Variants in AKAP19 observed in about 807,000 individuals in gnomAD.
AKAP19 encodes small A-kinase anchoring protein.
the AKAP19 span, chr2:190,202,070 G>A: frequency 6.0e-6 from 1 of 167,004 alleles, no homozygotes; most frequent in Admixed American, 6.6e-5. Flanking sequence ...GGACAGACAA[G>A]TGAGTTTTGG....
At chr2:190,145,430 A>G in the AKAP19 span, among the ~76,000 whole-genome samples, 1 of 152,198 alleles carries the variant, frequency 6.6e-6, no homozygotes, top group African/African-American at 2.4e-5. Flanking sequence ...ATTGCAGTTG[A>G]TTTTACAACT....
At chr2:189,937,865 C>T in the AKAP19 span, among the ~76,000 whole-genome samples, 3 of 152,126 alleles carry the variant, frequency 2.0e-5, no homozygotes, top group African/African-American at 7.2e-5. Context: ...CCTCAAAAAA[C>T]TAAAAATAAA....
At chr2:190,087,302 T>C in the AKAP19 span, among the ~76,000 whole-genome samples, 4 of 152,180 alleles carry the variant, frequency 2.6e-5, no homozygotes, top group Non-Finnish European at 2.9e-5. Flanking sequence ...TCAGTGAGAC[T>C]AGCCAGATCA....
the AKAP19 span, among the ~76,000 whole-genome samples, chr2:189,881,812 C>G: frequency 6.6e-6 from 1 of 152,148 alleles, no homozygotes; most frequent in Non-Finnish European, 1.5e-5. Flanking sequence ...TTAGGCAAGA[C>G]TAGAATCTAA....
At chr2:190,005,607 T>G in the AKAP19 span, among the ~76,000 whole-genome samples, 2 of 152,210 alleles carry the variant, frequency 1.3e-5, no homozygotes, top group Admixed American at 1.3e-4. Flanking sequence ...ATTGCAGTCT[T>G]TACATTTTGT....
the AKAP19 span, among the ~76,000 whole-genome samples, chr2:190,189,214 C>G: frequency 6.6e-6 from 1 of 152,272 alleles, no homozygotes; most frequent in Admixed American, 6.5e-5. Flanking sequence ...TCTTTACCGG[C>G]AAGAATTAAC....
the AKAP19 span, among the ~76,000 whole-genome samples, chr2:190,193,112 T>TAACA: frequency 2.6e-5 from 4 of 152,142 alleles, no homozygotes; most frequent in Non-Finnish European, 5.9e-5. Context: ...CTTTCACCAC[T>TAACA]AACATTACTT....
chr2:190,186,313 C>T, the AKAP19 span, among the ~76,000 whole-genome samples: 2 of 152,224 alleles, frequency 1.3e-5, no homozygotes, highest in South Asian at 4.1e-4. This position sits in a 1 kb window ranked among gnomAD's most constrained non-coding sequence, Gnocchi z 5.5. Flanking sequence ...CATACCATAC[C>T]GCTTTATTCA....
chr2:190,098,741 G>A, the AKAP19 span, among the ~76,000 whole-genome samples: 2 of 152,136 alleles, frequency 1.3e-5, no homozygotes, highest in African/African-American at 4.8e-5. Flanking sequence ...CCAATATAAG[G>A]CTGTCTCATC....
the AKAP19 span, among the ~76,000 whole-genome samples, chr2:190,038,551 G>T: frequency 6.6e-6 from 1 of 152,168 alleles, no homozygotes; most frequent in South Asian, 2.1e-4. Flanking sequence ...TTTGCTCAGA[G>T]TTGTTTGGGT....
chr2:190,119,408 C>T, the AKAP19 span, among the ~76,000 whole-genome samples: 4 of 152,176 alleles, frequency 2.6e-5, no homozygotes, highest in Non-Finnish European at 4.4e-5. Flanking sequence ...ATGTCATTCA[C>T]GTAGCCCCCA....
chr2:189,885,116 T>C, the AKAP19 span, among the ~76,000 whole-genome samples: 1 of 152,176 alleles, frequency 6.6e-6, no homozygotes, highest in African/African-American at 2.4e-5. Flanking sequence ...CATTTCTTTA[T>C]TGTACACATA....
the AKAP19 span, among the ~76,000 whole-genome samples, chr2:190,049,976 G>A: frequency 6.6e-6 from 1 of 152,076 alleles, no homozygotes; most frequent in Non-Finnish European, 1.5e-5. Flanking sequence ...TTGCATTTTG[G>A]GGGGAGGATA....
At chr2:189,943,231 C>G in the AKAP19 span, among the ~76,000 whole-genome samples, 1 of 152,232 alleles carries the variant, frequency 6.6e-6, no homozygotes. Context: ...CTCTGCTGCT[C>G]TGCACAGCCT....
the AKAP19 span, among the ~76,000 whole-genome samples, chr2:189,915,599 A>T: frequency 6.6e-6 from 1 of 152,132 alleles, no homozygotes; most frequent in Non-Finnish European, 1.5e-5. Flanking sequence ...TGTACAACTA[A>T]TCATTTCTTA....
chr2:189,988,647 T>A, the AKAP19 span, among the ~76,000 whole-genome samples: 1 of 152,210 alleles, frequency 6.6e-6, no homozygotes, highest in Non-Finnish European at 1.5e-5. Context: ...AGGGAGCGAA[T>A]CTTTTCTATG....
At chr2:190,144,029 G>GT in the AKAP19 span, among the ~76,000 whole-genome samples, 1 of 108,850 alleles carries the variant, frequency 9.2e-6, no homozygotes, top group Non-Finnish European at 1.8e-5. Context: ...GGTGGGGTGG[G>GT]GGGAGGGGGG....
the AKAP19 span, among the ~76,000 whole-genome samples, chr2:190,018,033 C>T: frequency 6.6e-6 from 1 of 152,088 alleles, no homozygotes; most frequent in Non-Finnish European, 1.5e-5. Flanking sequence ...TTTGAACTAC[C>T]TTGTATATGA....
chr2:189,948,062 T>G, the AKAP19 span, among the ~76,000 whole-genome samples: 6 of 152,192 alleles, frequency 3.9e-5, no homozygotes, highest in Non-Finnish European at 7.4e-5. Flanking sequence ...GTTTACCTCC[T>G]GTGAGACTTA....
Sources: gnomAD v4.1 joint callset for allele counts (sites outside exome capture counted in the v4.1 genomes callset) on GRCh38, gnomAD v4.1.1 for gene constraint, Gnocchi (gnomAD v3.1) non-coding constraint, MANE v1.5 for transcripts, NCBI Gene and HGNC (gene_info 2026-07-23, HGNC 2026-07-21) for gene names.